TEX2: variants seen among roughly 807,000 people sequenced by gnomAD.
TEX2 encodes testis expressed 2, also known as testis-expressed protein 2.
TEX2 carries 53 observed loss-of-function variants against 106.9 expected under a neutral mutation model. The ratio of observed to expected loss-of-function variants is 0.50; its 90% CI spans 0.40 to 0.62. The LOEUF (loss-of-function observed/expected upper bound fraction) is 0.62, where lower values mean the gene tolerates loss of function less well. Ranked by LOEUF, TEX2 falls within the 20% of genes least tolerant of loss-of-function variation. The pLI, the probability that TEX2 is intolerant of heterozygous loss-of-function variation, is 0.00. For missense variants in TEX2, 1,207 were observed against 1,379.0 expected (o/e 0.88, Z 1.98); for synonymous variants, 523 against 534.8 (o/e 0.98, Z 0.30).
rs1318627092 is a variant in TEX2, at chr17:64,217,384, G to C, written c.-25-3142C>G. Among the ~76,000 whole-genome samples, 1 of 152,200 alleles carries C rather than the reference G, an allele frequency of 6.6e-6. No homozygotes were observed. The highest frequency in any genetic ancestry group is 1.9e-4 in the East Asian group (1 of 5,190). ...TGACTGACACCCAGGAAGACTACATGGTTTGTCCAAGGGCACAGCACTGAC... is the reference window on the plus strand; with the variant it reads ...TGACTGACACCCAGGAAGACTACATCGTTTGTCCAAGGGCACAGCACTGAC... On this transcript the variant is annotated intron_variant, in intron 1 of 11. Transcript: ENST00000584379. This position sits in a 1 kb window ranked among gnomAD's most constrained non-coding sequence, Gnocchi z 4.3.
At chr17:64,226,727 G>T (rs1351705357) in intron 1 of TEX2, among the ~76,000 whole-genome samples, 2 of 152,162 alleles carry the variant, frequency 1.3e-5, no homozygotes, top group Non-Finnish European at 2.9e-5. Flanking sequence ...GTATGATGCT[G>T]GCAAGGGCAC....
In TEX2 at chr17:64,177,066, T is replaced by C. The variant is rs74515409; in HGVS notation, c.2571+259A>G. On this transcript the variant is annotated intron_variant, in intron 6 of 11. Coordinates refer to ENST00000584379, the MANE Select transcript of TEX2 (RefSeq NM_001288732.2). Reference sequence around the variant, plus strand: ...AGAGCTCACATTTTCCCAAACTAAATTCTGGATTATCACCTGGAGTGGATA... The same window carrying C: ...AGAGCTCACATTTTCCCAAACTAAACTCTGGATTATCACCTGGAGTGGATA... Among the ~76,000 whole-genome samples the C allele has an allele frequency of 5.4e-3, 829 of 152,306 alleles. 5 individuals are homozygous for C. The highest frequency in any genetic ancestry group is 0.019 in the African/African-American group (780 of 41,560).
At position 64,196,664 on chromosome 17, in the gene TEX2, G is replaced by A. The variant is rs1020941787; in HGVS notation, c.1645-1569C>T. 9.8e-5 allele frequency among the ~76,000 whole-genome samples: 15 copies of A among 152,326 alleles called. No homozygotes were observed. The South Asian group carries it at 1.0e-3, about 11-fold the overall frequency. On this transcript the variant is annotated intron_variant, in intron 2 of 11. Coordinates refer to ENST00000584379, the MANE Select transcript of TEX2 (RefSeq NM_001288732.2). The stretch of plus-strand genomic sequence containing the variant: ...GCCTGAAGTGGACTGTATTGTCAGA[G>A]CATCCGTTTGGGTGGGTGTATTTTT...
chr17:64,226,347 A>G (rs1439468016), intron 1 of TEX2, among the ~76,000 whole-genome samples: 1 of 152,170 alleles, frequency 6.6e-6, no homozygotes, highest in African/African-American at 2.4e-5. Flanking sequence ...GAAGTTGCCA[A>G]AGTAGTACAG....
At chr17:64,250,152 G>C (rs1555636766) in intron 1 of TEX2, among the ~76,000 whole-genome samples, 1 of 152,182 alleles carries the variant, frequency 6.6e-6, no homozygotes, top group Non-Finnish European at 1.5e-5. Flanking sequence ...ATAGGAAACT[G>C]GGGTGGCCAC....
intron 6 of TEX2, among the ~76,000 whole-genome samples, chr17:64,176,320 A>G (rs1310190058): frequency 6.6e-6 from 1 of 152,196 alleles, no homozygotes; most frequent in Non-Finnish European, 1.5e-5. Flanking sequence ...CTCTATGCCC[A>G]TATTTTCCTT....
At chr17:64,203,268 G>A (rs1308179841) in intron 2 of TEX2, among the ~76,000 whole-genome samples, 4 of 152,150 alleles carry the variant, frequency 2.6e-5, no homozygotes, top group African/African-American at 9.7e-5. Flanking sequence ...TTTTCACCCT[G>A]CTGACATGTG....
intron 6 of TEX2, 152 bp downstream of exon 6, chr17:64,177,173 T>C (rs2031648840): frequency 2.5e-6 from 2 of 808,844 alleles, no homozygotes; most frequent in East Asian, 5.1e-5. Context: ...GGTCAGTCTG[T>C]GATCAAGGTC....
chr17:64,235,573 C>T (rs1169923217), intron 1 of TEX2, among the ~76,000 whole-genome samples: 2 of 152,128 alleles, frequency 1.3e-5, no homozygotes, highest in African/African-American at 2.4e-5. Context: ...CTATAAAGCG[C>T]TTTTGTCTAT....
intron 1 of TEX2, among the ~76,000 whole-genome samples, chr17:64,231,648 G>A (rs1229020747): frequency 6.6e-6 from 1 of 152,176 alleles, no homozygotes; most frequent in East Asian, 1.9e-4. Context: ...ATTCTGAAGG[G>A]AGGTGAGAAC....
In TEX2 at chr17:64,213,986, C is replaced by G. The variant is rs1555632224; in HGVS notation, c.232G>C (p.Glu78Gln). The G allele has an allele frequency of 3.7e-6, 6 of 1,614,190 alleles. No homozygotes were observed. Among genetic ancestry groups the G allele is most frequent in the Non-Finnish European group, 5.1e-6 (6 of 1,180,032 alleles). ...GLEAKEDLYL[E>Q]PQVGHDPAGP... is the part of the protein sequence containing the mutation. ...GCGGGGTCATGGCCAACTTGGGGTT[C>G]AAGATAGAGGTCTTCCTTGGCTTCC... The change falls in exon 2 of 12, where the codon GAA becomes CAA. Residue 78 changes from glutamate to glutamine, a missense_variant. Transcript: ENST00000584379. This position sits in a 1 kb window ranked among gnomAD's most constrained non-coding sequence, Gnocchi z 4.4.
At chr17:64,193,466 T>G in intron 4 of TEX2, 93 bp downstream of exon 4, 18 of 794,232 alleles carry the variant, frequency 2.3e-5, no homozygotes, top group Non-Finnish European at 3.0e-5. Context: ...AGGGTGGGCT[T>G]CCTTCCTTCC....
intron 1 of TEX2, among the ~76,000 whole-genome samples, chr17:64,229,393 A>C (rs968873272): frequency 1.3e-5 from 2 of 152,290 alleles, no homozygotes; most frequent in East Asian, 1.9e-4. Context: ...TTCTTGCCCA[A>C]GGACTTTTGT....
At position 64,154,973 on chromosome 17, in the gene TEX2, C is replaced by CAG. The variant is rs1433260840; in HGVS notation, c.2805-8_2805-7dup. On this transcript the variant is annotated splice_polypyrimidine_tract_variant and splice_region_variant and intron_variant, in intron 8 of 11. Transcript: ENST00000584379. ...AGAATGCCCGGGGCCTGCAACTGGA[C>CAG]AGAGAGAGAGTCACCACCACTGCCT... is the stretch of plus-strand genomic sequence containing the variant. The CAG allele has an allele frequency of 6.4e-7, 1 of 1,572,784 alleles. No individual in the cohort carries two copies. The highest frequency in any genetic ancestry group is 8.6e-7 in the Non-Finnish European group (1 of 1,163,190).
intron 5 of TEX2, 86 bp from the exon 6 acceptor site, chr17:64,177,557 C>T (rs2031665680): frequency 6.9e-7 from 1 of 1,449,324 alleles, no homozygotes; most frequent in Non-Finnish European, 9.4e-7. Flanking sequence ...ACTGAAGGTC[C>T]CTCCTTATAG....
At chr17:64,209,805 T>C (rs1162692922) in intron 2 of TEX2, among the ~76,000 whole-genome samples, 1 of 152,192 alleles carries the variant, frequency 6.6e-6, no homozygotes, top group Non-Finnish European at 1.5e-5. Flanking sequence ...ACCCAACACT[T>C]AGCCCACTGC....
rs1166335241 is a variant in TEX2 at position 64,182,818 on chromosome 17, T to TA, written c.2425-5348dup. ...TTTTATTGCATAATAAACTTATTTT[T>TA]ATTGCATAATAATATTATCATCTAT... On this transcript the variant is annotated intron_variant, in intron 5 of 11. Transcript: ENST00000584379. Among the ~76,000 whole-genome samples, 5 of 152,292 alleles carry TA rather than the reference T, an allele frequency of 3.3e-5. No homozygotes were observed. In the East Asian group the frequency reaches 9.6e-4, roughly 29 times the overall value.
chr17:64,256,923 T>A (rs1254502040), intron 1 of TEX2, among the ~76,000 whole-genome samples: 1 of 152,190 alleles, frequency 6.6e-6, no homozygotes, highest in African/African-American at 2.4e-5. Flanking sequence ...GAAAATTGAA[T>A]AAGAAAACAA....
chr17:64,237,199 G>A (rs1440729393), intron 1 of TEX2, among the ~76,000 whole-genome samples: 2 of 152,022 alleles, frequency 1.3e-5, no homozygotes, highest in East Asian at 3.9e-4. Flanking sequence ...GGCAGCGTGG[G>A]CATTCCAGAA....
Sources: gnomAD v4.1 joint callset for allele counts (sites outside exome capture counted in the v4.1 genomes callset) on GRCh38, gnomAD v4.1.1 for gene constraint, Gnocchi (gnomAD v3.1) non-coding constraint, MANE v1.5 for transcripts, NCBI Gene and HGNC (gene_info 2026-07-23, HGNC 2026-07-21) for gene names.